Variants in ARHGAP22 observed in about 807,000 individuals in gnomAD.
ARHGAP22 encodes rho GTPase-activating protein 22.
In ARHGAP22, 48 loss-of-function variants were observed where a neutral mutation model predicts 59.1. The observed-to-expected ratio is 0.81, with a 90% CI of 0.64 to 1.03. The LOEUF (loss-of-function observed/expected upper bound fraction) is 1.03. Ranked by LOEUF, ARHGAP22 falls within the 50% of genes least tolerant of loss-of-function variation. The probability of loss-of-function intolerance (pLI) is 0.00; values close to 1 mark genes in which losing one functional copy is unlikely to be tolerated. For missense variants in ARHGAP22, 1,015 were observed against 958.7 expected, an observed-to-expected ratio of 1.06 and a Z score of -0.78; for synonymous variants, 445 against 416.4, an observed-to-expected ratio of 1.07 and a Z score of -0.84.
At chr10:48,583,256 C>T in intron 1 of ARHGAP22, 104 bp from the exon 2 acceptor site, 2 of 1,354,852 alleles carry the variant, frequency 1.5e-6, no homozygotes, top group Non-Finnish European at 2.0e-6. Flanking sequence ...GGCATGGGAG[C>T]CCAGGCCAGC....
At chr10:48,605,138 G>A (rs2060613402), upstream of ARHGAP22, 6 of 1,202,416 alleles carry the variant, frequency 5.0e-6, no homozygotes, top group Non-Finnish European at 6.2e-6. Flanking sequence ...AGCTGAGCGC[G>A]GGGGCGGGGC....
At chr10:48,654,061 A>T (rs2062662237), upstream of ARHGAP22, among the ~76,000 whole-genome samples, 1 of 152,226 alleles carries the variant, frequency 6.6e-6, no homozygotes, top group African/African-American at 2.4e-5. Flanking sequence ...CCAGGTAAGA[A>T]ACTTTCAATT....
intron 1 of ARHGAP22, among the ~76,000 whole-genome samples, chr10:48,640,050 T>A (rs2061981057): frequency 6.6e-6 from 1 of 152,200 alleles, no homozygotes; most frequent in African/African-American, 2.4e-5. Context: ...ATGGAAATGC[T>A]TGAGTTGAAC....
intron 3 of ARHGAP22, among the ~76,000 whole-genome samples, chr10:48,495,656 A>C (rs1240940870): frequency 6.6e-6 from 1 of 152,164 alleles, no homozygotes; most frequent in Non-Finnish European, 1.5e-5. Flanking sequence ...TGGTAGTCAG[A>C]CTCTTGTGTA....
chr10:48,506,296 G>A (rs1361418252), intron 3 of ARHGAP22, among the ~76,000 whole-genome samples: 5 of 152,174 alleles, frequency 3.3e-5, no homozygotes, highest in African/African-American at 1.2e-4. Flanking sequence ...GACAGTACAG[G>A]TACTGCACAC....
chr10:48,462,028 C>A (rs1274897882), intron 4 of ARHGAP22, among the ~76,000 whole-genome samples: 1 of 152,210 alleles, frequency 6.6e-6, no homozygotes, highest in Non-Finnish European at 1.5e-5. Context: ...GTGTATAAAA[C>A]CTGAAAGGTG....
intron 1 of ARHGAP22, chr10:48,623,919 G>A (rs962439014): frequency 2.0e-5 from 3 of 152,164 alleles, no homozygotes; most frequent in Admixed American, 6.5e-5. Context: ...TACTTTGTTC[G>A]CCGTGTGAAA....
intron 2 of ARHGAP22, among the ~76,000 whole-genome samples, chr10:48,560,049 G>A (rs1210404051): frequency 2.0e-5 from 3 of 152,148 alleles, no homozygotes; most frequent in African/African-American, 7.2e-5. Context: ...ATGTGAATAT[G>A]TTATGCTACA....
At chr10:48,585,748 G>A (rs945195656) in intron 1 of ARHGAP22, among the ~76,000 whole-genome samples, 1 of 152,204 alleles carries the variant, frequency 6.6e-6, no homozygotes, top group African/African-American at 2.4e-5. Context: ...TCCCTCTGCT[G>A]CTGGAGAGGT....
At chr10:48,476,736 T>A (rs1464396555) in intron 4 of ARHGAP22, among the ~76,000 whole-genome samples, 2 of 152,222 alleles carry the variant, frequency 1.3e-5, no homozygotes, top group African/African-American at 4.8e-5. Context: ...GTCTAGGGTC[T>A]ATGTGGGATT....
intron 3 of ARHGAP22, among the ~76,000 whole-genome samples, chr10:48,490,719 G>A (rs928448626): frequency 6.6e-6 from 1 of 152,138 alleles, no homozygotes; most frequent in Non-Finnish European, 1.5e-5. Context: ...CAGTCTCCCT[G>A]GTGGGCCCAT....
At chr10:48,552,349 A>G (rs1479868032) in intron 3 of ARHGAP22, among the ~76,000 whole-genome samples, 1 of 152,268 alleles carries the variant, frequency 6.6e-6, no homozygotes, top group Non-Finnish European at 1.5e-5. Context: ...GCCTAGGCCC[A>G]GACCCCAGGC....
chr10:48,506,892 A>C (rs575870387), intron 3 of ARHGAP22, among the ~76,000 whole-genome samples: 64 of 152,276 alleles, frequency 4.2e-4, no homozygotes, highest in Non-Finnish European at 8.5e-4. Context: ...AGAAGGCCAG[A>C]GCTAGGATTT....
upstream of ARHGAP22, among the ~76,000 whole-genome samples, chr10:48,608,136 A>T (rs370142578): frequency 7.2e-4 from 110 of 152,354 alleles, no homozygotes; most frequent in African/African-American, 2.6e-3. Context: ...CAGCTTTAGA[A>T]GACAACTGCA....
In ARHGAP22 at chr10:48,547,378, G is replaced by A. The variant is rs568010981; in HGVS notation, c.322+8085C>T. On this transcript the variant is annotated intron_variant, in intron 3 of 9. Transcript: ENST00000249601. ...GCCATCCCTGTCCAGGCCTCCTATT[G>A]CCTGCAGGATTCCCATCTGGTGTTT... Among the ~76,000 whole-genome samples the A allele has an allele frequency of 1.4e-4, 22 of 152,372 alleles. 1 individual carries two copies. In the South Asian group the frequency reaches 4.6e-3, roughly 32 times the overall value.
intron 4 of ARHGAP22, chr10:48,466,490 C>G (rs2047702892): frequency 6.6e-6 from 1 of 151,498 alleles, no homozygotes; most frequent in African/African-American, 2.4e-5. Flanking sequence ...CCCGCTGCGC[C>G]GGTCCCAGCT....
chr10:48,526,204 G>A (rs901827644), intron 3 of ARHGAP22, among the ~76,000 whole-genome samples: 2 of 152,152 alleles, frequency 1.3e-5, no homozygotes, highest in Non-Finnish European at 2.9e-5. Context: ...CCCAAGGCAC[G>A]GAGCAGAAGA....
At chr10:48,655,020 TTC>T (rs1243439540), upstream of ARHGAP22, among the ~76,000 whole-genome samples, 1 of 62,864 alleles carries the variant, frequency 1.6e-5, no homozygotes, top group African/African-American at 6.0e-5. Context: ...CTTTCTTTCT[TTC>T]TTTCTTTCAT....
At chr10:48,633,861 G>A (rs1187337195) in intron 1 of ARHGAP22, among the ~76,000 whole-genome samples, 6 of 152,212 alleles carry the variant, frequency 3.9e-5, no homozygotes, top group Non-Finnish European at 7.3e-5. Context: ...CATGGGAGGA[G>A]GGAGAGCCTT....
Sources: gnomAD v4.1 joint callset for allele counts (sites outside exome capture counted in the v4.1 genomes callset) on GRCh38, gnomAD v4.1.1 for gene constraint, MANE v1.5 for transcripts, NCBI Gene and HGNC (gene_info 2026-07-23, HGNC 2026-07-21) for gene names.